BCL2L15: variants seen among roughly 807,000 people sequenced by gnomAD.
BCL2L15 encodes BCL2 like 15.
BCL2L15 carries 15 observed loss-of-function variants against 18.3 expected under a neutral mutation model. The observed-to-expected ratio is 0.82, with a 90% confidence interval of 0.55 to 1.26. BCL2L15 has a LOEUF of 1.26. BCL2L15 is among the 50% of genes most tolerant of loss of function. The probability of loss-of-function intolerance (pLI) is 0.00; values close to 1 mark genes in which losing one functional copy is unlikely to be tolerated. For synonymous variants in BCL2L15, 58 were observed against 68.5 expected (o/e 0.85, Z 0.76); for missense variants, 180 against 201.7 (o/e 0.89, Z 0.65).
At position 113,881,944 on chromosome 1, in the gene BCL2L15, A is replaced by G. The variant is rs539072371; in HGVS notation, c.303T>C (p.Ala101=). 17 of 1,614,140 alleles carry G rather than the reference A, an allele frequency of 1.1e-5. No homozygotes were observed. The East Asian group carries it at 3.8e-4, about 36-fold the overall frequency. The change falls in exon 3 of 4, where the codon GCT becomes GCC. Residue 101 remains alanine, a synonymous_variant. Transcript: ENST00000393316. The stretch of plus-strand genomic sequence containing the variant: ...TCTCATAAGCTAAGCTGGAATCCTG[A>G]GCACACCAGGTCTTGCTGAGAGATT... ...TVESLSKTWC[A]QDSSLAYERA...
chr1:113,886,782 T>A, intron 1 of BCL2L15, 124 bp from the exon 2 acceptor site: 2 of 918,070 alleles, frequency 2.2e-6, no homozygotes, highest in Non-Finnish European at 3.2e-6. Context: ...CCCAAGAGCT[T>A]AAATGTTCTG....
intron 2 of BCL2L15, among the ~76,000 whole-genome samples, chr1:113,885,862 C>T (rs1021759869): frequency 2.4e-4 from 36 of 151,214 alleles, no homozygotes; most frequent in African/African-American, 7.8e-4. Flanking sequence ...GAGCCGAGAT[C>T]GCGCCACTGC....
At chr1:113,886,060 A>T (rs1021813790) in intron 2 of BCL2L15, among the ~76,000 whole-genome samples, 22 of 151,598 alleles carry the variant, frequency 1.5e-4, no homozygotes, top group Admixed American at 5.3e-4. Flanking sequence ...ATAAAAAAAT[A>T]AAAAAAATAG....
Position 113,881,090 on chromosome 1 carries a change from G to A in BCL2L15, c.*33C>T. The A allele has an allele frequency of 6.2e-7, 1 of 1,614,100 alleles. No homozygotes were observed. The highest frequency in any genetic ancestry group is 8.5e-7 in the Non-Finnish European group (1 of 1,179,966). On this transcript the variant is annotated 3_prime_UTR_variant, in exon 4 of 4. Transcript: ENST00000393316. ...AATCACCCAATCAGTCAACAAGGAA[G>A]TGATGTTCAGTCTCGTGAATAGCTC...
At chr1:113,886,189 C>T (rs954012412) in intron 2 of BCL2L15, among the ~76,000 whole-genome samples, 17 of 149,010 alleles carry the variant, frequency 1.1e-4, no homozygotes, top group Non-Finnish European at 1.9e-4. Context: ...GCACTTGAGC[C>T]TGGGTGACAC....
In BCL2L15 at chr1:113,877,613, T is replaced by G. The variant is rs1475332434; in HGVS notation, c.*3510A>C. On this transcript the variant is annotated 3_prime_UTR_variant, in exon 4 of 4. Coordinates refer to ENST00000393316, the MANE Select transcript of BCL2L15 (RefSeq NM_001010922.3). ...GTAATCTTCATTGGTATGTTAAATTTAAAAATGAATGATACCATATCTAAA... is the reference window on the plus strand; with the variant it reads ...GTAATCTTCATTGGTATGTTAAATTGAAAAATGAATGATACCATATCTAAA... 6.6e-6 allele frequency among the ~76,000 whole-genome samples: 1 copy of G among 152,182 alleles called. No individual in the cohort carries two copies. The highest frequency in any genetic ancestry group is 2.4e-5 in the African/African-American group (1 of 41,456).
chr1:113,885,495 C>T (rs1667001668), intron 2 of BCL2L15, among the ~76,000 whole-genome samples: 1 of 151,956 alleles, frequency 6.6e-6, no homozygotes, highest in Admixed American at 6.6e-5. Flanking sequence ...GATCTTGGCT[C>T]GCTGCAACCT....
intron 2 of BCL2L15, among the ~76,000 whole-genome samples, chr1:113,884,797 C>CA (rs1666978932): frequency 6.6e-6 from 1 of 150,822 alleles, no homozygotes; most frequent in South Asian, 2.1e-4. Context: ...TTTTTGGAGA[C>CA]AGAGTCTTGC....
intron 2 of BCL2L15, among the ~76,000 whole-genome samples, chr1:113,883,731 C>A (rs1053507234): frequency 1.3e-5 from 2 of 152,078 alleles, no homozygotes; most frequent in East Asian, 3.8e-4. Context: ...TTGCAGTGAG[C>A]GGAGATCGTG....
chr1:113,886,052 A>G (rs1370430653), intron 2 of BCL2L15, among the ~76,000 whole-genome samples: 1 of 151,808 alleles, frequency 6.6e-6, no homozygotes, highest in Non-Finnish European at 1.5e-5. Flanking sequence ...TACTAAAAAT[A>G]AAAAAATAAA....
In BCL2L15 at chr1:113,879,462, T is replaced by C. The variant is rs766211280; in HGVS notation, c.*1661A>G. On this transcript the variant is annotated 3_prime_UTR_variant, in exon 4 of 4. Transcript: ENST00000393316. ...CTTTGCTTCCAATCACTCTCACTTG[T>C]AGGGCCAGAGAAATGGACTACTCAG... 5.9e-5 allele frequency: 9 copies of C among 152,360 alleles called. No individual in the cohort carries two copies. Among genetic ancestry groups the C allele is most frequent in the South Asian group, 2.1e-4 (1 of 4,834 alleles). 9.4% of individuals were successfully genotyped at this position (152,360 alleles called of 1,614,324 possible).
intron 1 of BCL2L15, 76 bp downstream of exon 1, chr1:113,887,173 C>A: frequency 7.0e-7 from 1 of 1,421,526 alleles, no homozygotes; most frequent in Non-Finnish European, 9.8e-7. Context: ...GCTGGGATTA[C>A]GGGAATCAGT....
Position 113,886,622 on chromosome 1 carries a change from C to A in BCL2L15, c.164G>T (p.Gly55Val). Residue 55 changes from glycine (G) to valine (V), a missense_variant, in exon 2 of 4, where the codon GGT becomes GTT. Coordinates refer to ENST00000393316, the MANE Select transcript of BCL2L15 (RefSeq NM_001010922.3). ...CTGGTCACCCAACATCCGAAGGCGACCAGCAATGATAGCCACATCAAAAGA... is the reference window on the plus strand; with the variant it reads ...CTGGTCACCCAACATCCGAAGGCGAACAGCAATGATAGCCACATCAAAAGA... ...PCSFDVAIIAGRLRMLGDQFN... is the reference protein window; with the variant it reads ...PCSFDVAIIAVRLRMLGDQFN... The A allele has an allele frequency of 6.2e-7, 1 of 1,612,800 alleles. No homozygotes were observed. Among genetic ancestry groups the A allele is most frequent in the Non-Finnish European group, 8.5e-7 (1 of 1,179,672 alleles).
chr1:113,883,492 A>G (rs1376892762), intron 2 of BCL2L15, among the ~76,000 whole-genome samples: 5 of 149,698 alleles, frequency 3.3e-5, no homozygotes, highest in Non-Finnish European at 7.4e-5. Flanking sequence ...AAAAAAAAAA[A>G]AAGGCGGGCG....
intron 2 of BCL2L15, 91 bp downstream of exon 2, chr1:113,886,446 T>C: frequency 1.5e-6 from 2 of 1,312,482 alleles, no homozygotes; most frequent in East Asian, 2.4e-5. Context: ...TCATAGAACA[T>C]TCCTAGTCAC....
In BCL2L15 at chr1:113,880,125, C is replaced by T. The variant is rs1250150223; in HGVS notation, c.*998G>A. On this transcript the variant is annotated 3_prime_UTR_variant, in exon 4 of 4. Transcript: ENST00000393316. ...ATCTAAGCTGGGGTGGCCTTGCTGT[C>T]CTAGATGTGGGCCAGCACTTCCTGC... 3 of 152,338 alleles carry T rather than the reference C, an allele frequency of 2.0e-5. No individual in the cohort carries two copies. Among genetic ancestry groups the T allele is most frequent in the African/African-American group, 7.2e-5 (3 of 41,450 alleles). 9.4% of individuals were successfully genotyped at this position (152,338 alleles called of 1,614,324 possible). A position where few individuals can be genotyped will look rare whatever the true frequency, so the allele number is the denominator to read the frequency against.
chr1:113,881,262 C>A, intron 3 of BCL2L15, 122 bp from the exon 4 acceptor site: 1 of 1,434,022 alleles, frequency 7.0e-7, no homozygotes, highest in Non-Finnish European at 9.7e-7. Flanking sequence ...TTTCACTGAC[C>A]CTGTAAATGG....
chr1:113,877,190 G>A lies in BCL2L15; in HGVS notation c.*3933C>T, dbSNP rs115216230. ...GGAGGGCAGCTTTAGTGACTGGCTCGGTTATACTAGAGCATTGGGATTGTA... is the reference window on the plus strand; with the variant it reads ...GGAGGGCAGCTTTAGTGACTGGCTCAGTTATACTAGAGCATTGGGATTGTA... On this transcript the variant is annotated 3_prime_UTR_variant, in exon 4 of 4. Transcript: ENST00000393316. Among the ~76,000 whole-genome samples, 1,781 of 152,096 alleles carry A rather than the reference G, an allele frequency of 0.012. 30 individuals carry two copies. Among genetic ancestry groups the A allele is most frequent in the African/African-American group, 0.041 (1,681 of 41,466 alleles).
chr1:113,887,168 G>A, intron 1 of BCL2L15, 81 bp downstream of exon 1: 2 of 1,389,580 alleles, frequency 1.4e-6, no homozygotes, highest in South Asian at 2.4e-5. Flanking sequence ...AAAGTGCTGG[G>A]ATTACGGGAA....
Sources: allele counts gnomAD v4.1 joint callset (sites outside exome capture counted in the v4.1 genomes callset), GRCh38; gene constraint gnomAD v4.1.1; transcripts MANE v1.5; gene names NCBI Gene and HGNC (gene_info 2026-07-23, HGNC 2026-07-21).